Variants in CHRM5 observed in about 807,000 individuals in gnomAD.
CHRM5 encodes muscarinic acetylcholine receptor M5.
CHRM5 carries 18 observed loss-of-function variants against 39.0 expected under a neutral mutation model. The ratio of observed to expected loss-of-function variants is 0.46; its 90% CI spans 0.32 to 0.68. The LOEUF (loss-of-function observed/expected upper bound fraction) is 0.68. Among genes scored for constraint, CHRM5 ranks in the 30% least tolerant of loss-of-function variants. The probability of loss-of-function intolerance (pLI) is 0.04; values close to 1 mark genes in which losing one functional copy is unlikely to be tolerated. For missense variants in CHRM5, 515 were observed against 651.1 expected (o/e 0.79, Z 2.28); for synonymous variants, 241 against 246.3 (o/e 0.98, Z 0.20).
chr15:34,039,123 C>A, intron 1 of CHRM5: 2 of 1,046,610 alleles, frequency 1.9e-6, no homozygotes, highest in African/African-American at 1.7e-5. Context: ...GGAAGCGGGC[C>A]GCACGGAGGA....
intron 1 of CHRM5, among the ~76,000 whole-genome samples, chr15:34,028,538 C>T (rs1898606494): frequency 6.6e-6 from 1 of 152,158 alleles, no homozygotes; most frequent in Non-Finnish European, 1.5e-5. Context: ...GGCACTCCAG[C>T]ATGGGTAACA....
chr15:34,009,867 T>TA (rs1897562882), intron 1 of CHRM5, among the ~76,000 whole-genome samples: 2 of 152,262 alleles, frequency 1.3e-5, no homozygotes, highest in Admixed American at 1.3e-4. Context: ...CATGAACCTG[T>TA]AGTCCTAGCA....
At chr15:34,043,753 C>T (rs934639419) in intron 1 of CHRM5, among the ~76,000 whole-genome samples, 1 of 152,208 alleles carries the variant, frequency 6.6e-6, no homozygotes, top group Admixed American at 6.5e-5. Flanking sequence ...ATCTTCTCCT[C>T]TCTCCTTCCA....
At chr15:33,988,002 A>G (rs489945) in intron 1 of CHRM5, among the ~76,000 whole-genome samples, 142,414 of 152,224 alleles carry the variant, frequency 0.94, 67,218 homozygotes, top group Non-Finnish European at 1. Context: ...ACCAACTTCC[A>G]TAGGCCAAAA....
chr15:34,038,956 C>T, intron 1 of CHRM5: 2 of 1,108,408 alleles, frequency 1.8e-6, no homozygotes, highest in Non-Finnish European at 2.2e-6. Flanking sequence ...GCCGCTGCGG[C>T]TCCGGGCCGC....
At chr15:34,017,486 T>TG (rs1897974580) in intron 1 of CHRM5, among the ~76,000 whole-genome samples, 9 of 67,348 alleles carry the variant, frequency 1.3e-4, no homozygotes, top group Admixed American at 5.8e-4. Context: ...TTTTTTTTGT[T>TG]TTTTTTTTTT....
intron 2 of CHRM5, among the ~76,000 whole-genome samples, chr15:34,054,168 C>T (rs1370512292): frequency 1.3e-5 from 2 of 151,978 alleles, no homozygotes; most frequent in South Asian, 2.1e-4. Context: ...TATTAAAACT[C>T]GAGAAAACAA....
At chr15:34,049,141 C>A (rs769029135) in intron 2 of CHRM5, among the ~76,000 whole-genome samples, 2 of 152,124 alleles carry the variant, frequency 1.3e-5, no homozygotes, top group African/African-American at 4.8e-5. Flanking sequence ...AGACAGAGTG[C>A]GTCTCTGCCT....
rs138017700 is a variant in CHRM5, at chr15:34,003,721, C to A, written c.-408+34571C>A. Among the ~76,000 whole-genome samples, 80 of 152,276 alleles carry A rather than the reference C, an allele frequency of 5.3e-4. 1 individual carries two copies. The highest frequency in any genetic ancestry group is 1.1e-3 in the Non-Finnish European group (74 of 68,016). ...AAACACTATTACATATAGTGAGGGA[C>A]AATGACTTGTGAAATGGAGTGTGAA... On this transcript the variant is annotated intron_variant, in intron 1 of 2. Coordinates refer to ENST00000383263, the MANE Select transcript of CHRM5 (RefSeq NM_012125.4).
At chr15:34,014,094 G>A (rs990744600) in intron 1 of CHRM5, among the ~76,000 whole-genome samples, 4 of 152,126 alleles carry the variant, frequency 2.6e-5, no homozygotes, top group African/African-American at 9.7e-5. Context: ...TGGGCACAGT[G>A]GCTCACGCCT....
At chr15:33,973,079 T>C (rs557285191) in intron 1 of CHRM5, among the ~76,000 whole-genome samples, 87 of 152,332 alleles carry the variant, frequency 5.7e-4, no homozygotes, top group African/African-American at 2.0e-3. Context: ...ATTTTTTGTA[T>C]TGAAATTATT....
chr15:33,990,283 A>G (rs1337005811), intron 1 of CHRM5, among the ~76,000 whole-genome samples: 2 of 150,982 alleles, frequency 1.3e-5, no homozygotes, highest in African/African-American at 2.4e-5. Context: ...TCAGGAGGCT[A>G]AGGCAGGAGA....
At chr15:34,007,465 G>A (rs1360640682) in intron 1 of CHRM5, among the ~76,000 whole-genome samples, 1 of 152,110 alleles carries the variant, frequency 6.6e-6, no homozygotes, top group African/African-American at 2.4e-5. Context: ...TTTTCCTCTA[G>A]TGTCCATTAA....
At chr15:33,985,032 A>G (rs560001521) in intron 1 of CHRM5, among the ~76,000 whole-genome samples, 5 of 152,206 alleles carry the variant, frequency 3.3e-5, no homozygotes, top group Admixed American at 2.6e-4. Context: ...GTTATCCCAC[A>G]GCATTCTGTA....
chr15:34,051,154 C>T (rs891764210), intron 2 of CHRM5, among the ~76,000 whole-genome samples: 2 of 152,182 alleles, frequency 1.3e-5, no homozygotes, highest in African/African-American at 4.8e-5. Flanking sequence ...GTCTGTCAGA[C>T]CACAGCGCAA....
intron 1 of CHRM5, among the ~76,000 whole-genome samples, chr15:34,041,261 A>G (rs773008581): frequency 2.0e-5 from 3 of 152,202 alleles, no homozygotes; most frequent in East Asian, 3.8e-4. Flanking sequence ...CTGAGAGGCA[A>G]TCACCCTGGA....
intron 1 of CHRM5, among the ~76,000 whole-genome samples, chr15:34,011,075 C>T (rs955484857): frequency 6.6e-6 from 1 of 152,048 alleles, no homozygotes; most frequent in Non-Finnish European, 1.5e-5. Flanking sequence ...TCCTATAATA[C>T]CTGCACTTTG....
intron 1 of CHRM5, among the ~76,000 whole-genome samples, chr15:34,004,207 AACTG>A (rs1359877834): frequency 1.3e-5 from 2 of 152,250 alleles, no homozygotes; most frequent in Admixed American, 6.5e-5. Context: ...CCTGTATTAC[AACTG>A]ACTATGTTGT....
In CHRM5 at chr15:34,037,287, C is replaced by T. The variant is rs140472431; in HGVS notation, c.-407-9253C>T. ...CATTACTACAATTACTCTTAAAGCA[C>T]GATCCCTGCAGCTAAGGAATATCTA... On this transcript the variant is annotated intron_variant, in intron 1 of 2. Coordinates refer to ENST00000383263, the MANE Select transcript of CHRM5 (RefSeq NM_012125.4). 5.9e-3 allele frequency among the ~76,000 whole-genome samples: 903 copies of T among 152,044 alleles called. 12 individuals are homozygous for T. In the South Asian group the frequency reaches 0.063, roughly 11 times the overall value.
Sources: allele counts gnomAD v4.1 joint callset (sites outside exome capture counted in the v4.1 genomes callset), GRCh38; gene constraint gnomAD v4.1.1; transcripts MANE v1.5; gene names NCBI Gene and HGNC (gene_info 2026-07-23, HGNC 2026-07-21).